CDH13: variants seen among roughly 807,000 people sequenced by gnomAD.
CDH13 encodes the protein cadherin-13.
CDH13 carries 24 observed loss-of-function variants against 63.8 expected under a neutral mutation model. The ratio of observed to expected loss-of-function variants is 0.38; its 90% CI spans 0.27 to 0.53. The LOEUF is 0.53. CDH13 is among the 20% of genes least tolerant of loss of function. CDH13 has a pLI of 0.85. For synonymous variants in CDH13, 503 were observed against 355.3 expected (o/e 1.42, Z -4.67); for missense variants, 1,049 against 903.1 (o/e 1.16, Z -2.07).
At chr16:83,169,546 A>C (rs2037833521) in intron 4 of CDH13, among the ~76,000 whole-genome samples, 2 of 149,198 alleles carry the variant, frequency 1.3e-5, no homozygotes, top group South Asian at 4.2e-4. Flanking sequence ...TGCCATTTAA[A>C]AAACAGTGGT....
intron 5 of CDH13, among the ~76,000 whole-genome samples, chr16:83,220,026 T>A (rs1444370553): frequency 2.0e-5 from 3 of 152,174 alleles, no homozygotes; most frequent in African/African-American, 7.2e-5. Context: ...GGAATGCAGT[T>A]TCTTACACAA....
chr16:83,762,619 G>T (rs769975063), intron 11 of CDH13, among the ~76,000 whole-genome samples: 2 of 152,140 alleles, frequency 1.3e-5, no homozygotes, highest in African/African-American at 4.8e-5. Flanking sequence ...TTCTCGTAAG[G>T]GTTCTGGAAT....
At chr16:83,701,877 G>T (rs758427042) in intron 10 of CDH13, among the ~76,000 whole-genome samples, 30 of 152,194 alleles carry the variant, frequency 2.0e-4, no homozygotes, top group Non-Finnish European at 1.9e-4. Context: ...CTGCGTATTT[G>T]CTGGCAGCAG....
intron 1 of CDH13, among the ~76,000 whole-genome samples, chr16:82,844,115 G>A (rs1021089303): frequency 2.0e-5 from 3 of 152,158 alleles, no homozygotes; most frequent in South Asian, 2.1e-4. Flanking sequence ...TGACCCAGAT[G>A]AGTATGATGT....
intron 2 of CDH13, among the ~76,000 whole-genome samples, chr16:82,898,866 G>A (rs1366313295): frequency 6.6e-6 from 1 of 152,204 alleles, no homozygotes; most frequent in Non-Finnish European, 1.5e-5. Flanking sequence ...CTGCAGTTTA[G>A]CATTTTTATT....
intron 6 of CDH13, among the ~76,000 whole-genome samples, chr16:83,476,867 C>T (rs765765078): frequency 7.2e-5 from 11 of 152,250 alleles, no homozygotes; most frequent in African/African-American, 1.9e-4. Context: ...GAAGTGTTTT[C>T]AGGCAACATC....
chr16:83,049,916 G>A (rs910119371), intron 3 of CDH13, among the ~76,000 whole-genome samples: 1 of 152,168 alleles, frequency 6.6e-6, no homozygotes, highest in Non-Finnish European at 1.5e-5. Flanking sequence ...AATTTACAAT[G>A]ATTGAGTGTG....
At position 82,687,340 on chromosome 16, in the gene CDH13, C is replaced by G. The variant is rs16958279; in HGVS notation, c.45+60203C>G. 5.3e-3 allele frequency among the ~76,000 whole-genome samples: 807 copies of G among 152,254 alleles called. 6 individuals carry two copies. Among genetic ancestry groups the G allele is most frequent in the African/African-American group, 0.018 (761 of 41,542 alleles). ...TATAGCAAGATGTAAGTGATATCAG[C>G]TGGAGGACAACTTTACTGGTCTATG... On this transcript the variant is annotated intron_variant, in intron 1 of 13. Coordinates refer to ENST00000567109, the MANE Select transcript of CDH13 (RefSeq NM_001257.5).
intron 7 of CDH13, among the ~76,000 whole-genome samples, chr16:83,529,137 C>T (rs1345781155): frequency 2.0e-5 from 3 of 148,040 alleles, no homozygotes; most frequent in African/African-American, 7.5e-5. Flanking sequence ...GGCGAGCTTG[C>T]TTCTTCAGGA....
At chr16:83,411,663 T>C (rs530844898) in intron 6 of CDH13, among the ~76,000 whole-genome samples, 19 of 152,358 alleles carry the variant, frequency 1.2e-4, no homozygotes, top group Admixed American at 9.8e-4. Context: ...TATGCCCTTA[T>C]AGGTCATGTA....
chr16:83,024,015 G>A (rs553498307), intron 2 of CDH13, among the ~76,000 whole-genome samples: 2 of 152,036 alleles, frequency 1.3e-5, no homozygotes, highest in African/African-American at 2.4e-5. Flanking sequence ...TTTTTATCAA[G>A]ACTTCATTAT....
chr16:83,482,097 C>T (rs1482093599), intron 6 of CDH13, among the ~76,000 whole-genome samples: 1 of 152,188 alleles, frequency 6.6e-6, no homozygotes, highest in Non-Finnish European at 1.5e-5. Context: ...AGCTCAGAGG[C>T]AGTCGTGGAA....
rs112525211 is a variant in CDH13 at position 83,479,089 on chromosome 16, G to A, written c.782-7388G>A. Among the ~76,000 whole-genome samples the A allele has an allele frequency of 4.0e-3, 603 of 152,274 alleles. 5 individuals carry two copies. The highest frequency in any genetic ancestry group is 0.014 in the African/African-American group (568 of 41,574). Reference sequence around the variant, plus strand: ...TCATTCGACAGTTTCCCTATCAATTGCTGTCTACTCAAGAATGTCCACAAG... The same window carrying A: ...TCATTCGACAGTTTCCCTATCAATTACTGTCTACTCAAGAATGTCCACAAG... On this transcript the variant is annotated intron_variant, in intron 6 of 13. Transcript: ENST00000567109.
At chr16:83,165,198 C>T (rs2037612070) in intron 4 of CDH13, among the ~76,000 whole-genome samples, 1 of 152,056 alleles carries the variant, frequency 6.6e-6, no homozygotes, top group South Asian at 2.1e-4. Context: ...GTAAGTCCCT[C>T]CAAACGTCAA....
intron 6 of CDH13, among the ~76,000 whole-genome samples, chr16:83,392,932 G>A (rs11645209): frequency 0.49 from 73,503 of 151,274 alleles, 19,082 homozygotes; most frequent in East Asian, 0.76. Flanking sequence ...GAGGTGAAGA[G>A]CTGGAAGGAA....
At chr16:83,786,174 G>C (rs1323826132) in intron 13 of CDH13, among the ~76,000 whole-genome samples, 1 of 152,178 alleles carries the variant, frequency 6.6e-6, no homozygotes, top group African/African-American at 2.4e-5. Flanking sequence ...ATGTGAACCA[G>C]ACAGGAAGTT....
intron 11 of CDH13, among the ~76,000 whole-genome samples, chr16:83,779,757 C>G (rs181367693): frequency 1.3e-5 from 2 of 152,186 alleles, no homozygotes; most frequent in African/African-American, 4.8e-5. Context: ...ACTTGGGATA[C>G]TGAGGTGGTA....
intron 1 of CDH13, among the ~76,000 whole-genome samples, chr16:82,802,838 G>C (rs779212067): frequency 6.6e-6 from 1 of 152,166 alleles, no homozygotes; most frequent in Non-Finnish European, 1.5e-5. Context: ...AAACTTCAGC[G>C]CTTTTCCAAC....
chr16:82,969,740 A>G (rs112780330), intron 2 of CDH13, among the ~76,000 whole-genome samples: 1,736 of 152,094 alleles, frequency 0.011, 42 homozygotes, highest in African/African-American at 0.04. Flanking sequence ...GAATCAGGCT[A>G]GTCCGTGCAC....
Sources: allele counts gnomAD v4.1 joint callset (sites outside exome capture counted in the v4.1 genomes callset), GRCh38; gene constraint gnomAD v4.1.1; transcripts MANE v1.5; gene names NCBI Gene and HGNC (gene_info 2026-07-23, HGNC 2026-07-21).